Variants in PCDHGB1 observed in about 807,000 individuals in gnomAD.
The protein encoded by PCDHGB1 is protocadherin gamma subfamily B, 1, also known as protocadherin gamma-B1.
In PCDHGB1, 34 loss-of-function variants were observed where a neutral mutation model predicts 56.6. That is an observed-to-expected ratio of 0.60 (90% CI 0.46 to 0.80). PCDHGB1 has a LOEUF of 0.80. PCDHGB1 is among the 30% of genes least tolerant of loss of function. The pLI is 0.00. For synonymous variants in PCDHGB1, 561 were observed against 505.9 expected (o/e 1.11, Z -1.46); for missense variants, 1,278 against 1,204.6 (o/e 1.06, Z -0.90).
chr5:141,350,343 C>T lies in PCDHGB1; in HGVS notation c.83C>T (p.Ser28Phe), dbSNP rs1758450981. 6.4e-7 allele frequency: 1 copy of T among 1,551,070 alleles called. No individual in the cohort carries two copies. The highest frequency in any genetic ancestry group is 1.3e-5 in the South Asian group (1 of 79,250). Reference protein sequence around the residue: ...FLLSLFCGAISQQIRYTIPEE... With the variant: ...FLLSLFCGAIFQQIRYTIPEE... ...CTGTCTTTGTTCTGCGGGGCCATCT[C>T]CCAGCAGATCCGATACACGATTCCA... is the stretch of plus-strand genomic sequence containing the variant. Residue 28 changes from serine to phenylalanine, a missense_variant, in exon 1 of 4, where the codon TCC becomes TTC. Physicochemically the swap from Ser to Phe is radical, Grantham distance 155. Coordinates refer to ENST00000523390, the MANE Select transcript of PCDHGB1 (RefSeq NM_018922.3).
rs753002448 is a variant in PCDHGB1 at position 141,355,220 on chromosome 5, G to T, written c.2409+2551G>T. 3.1e-6 allele frequency: 5 copies of T among 1,607,878 alleles called. No homozygotes were observed. In the African/African-American group the frequency reaches 4.0e-5, roughly 13 times the overall value. ...GTTGTAATGGCGGCGCCTCCTGCTC[G>T]CCCAGACCACACCCGGCTGCTCCAG... On this transcript the variant is annotated intron_variant, in intron 1 of 3. Transcript: ENST00000523390.
At chr5:141,389,754 G>A (rs370987485) in intron 1 of PCDHGB1, 3 of 1,612,772 alleles carry the variant, frequency 1.9e-6, no homozygotes, top group South Asian at 2.2e-5. Context: ...CACGGGCGAA[G>A]TGCGCACAGC....
chr5:141,498,093 G>T (rs975304630), intron 2 of PCDHGB1, among the ~76,000 whole-genome samples: 4 of 152,220 alleles, frequency 2.6e-5, no homozygotes, highest in Admixed American at 1.3e-4. Context: ...AATTGTATCT[G>T]GTGGTGTGGG....
Position 141,350,574 on chromosome 5 carries a change from C to T in PCDHGB1, c.314C>T (p.Thr105Met), listed in dbSNP as rs369499342. The T allele has an allele frequency of 6.2e-7, 1 of 1,614,004 alleles. No homozygotes were observed. Among genetic ancestry groups the T allele is most frequent in the Non-Finnish European group, 8.5e-7 (1 of 1,179,884 alleles). The change falls in exon 1 of 4, where the codon ACG (threonine) becomes ATG (methionine). Residue 105 changes from threonine (T) to methionine (M), a missense_variant. Transcript: ENST00000523390. ...CTTGAGTGTGCACTAGAATTCGAAACGGTCGCTGAAAACCCAATGAATGTT... is the reference window on the plus strand; with the variant it reads ...CTTGAGTGTGCACTAGAATTCGAAATGGTCGCTGAAAACCCAATGAATGTT... The part of the protein sequence containing the change: ...RKLECALEFE[T>M]VAENPMNVFH...
rs1286991812 is a variant in PCDHGB1 at position 141,432,170 on chromosome 5, C to T, written c.2410-62637C>T. The T allele has an allele frequency of 1.2e-6, 2 of 1,614,072 alleles. No homozygotes were observed. The highest frequency in any genetic ancestry group is 1.7e-6 in the Non-Finnish European group (2 of 1,180,036). ...AGAGAACAATCCCAGAGGAGTTTCC[C>T]TCGTCTCTGTGACCGCCCACGACCC... On this transcript the variant is annotated intron_variant, in intron 1 of 3. Coordinates refer to ENST00000523390, the MANE Select transcript of PCDHGB1 (RefSeq NM_018922.3). This position sits in a 1 kb window ranked among gnomAD's most constrained non-coding sequence, Gnocchi z 6.0.
intron 1 of PCDHGB1, among the ~76,000 whole-genome samples, chr5:141,420,877 G>T (rs566962587): frequency 3.9e-5 from 6 of 152,338 alleles, no homozygotes; most frequent in African/African-American, 1.4e-4. Context: ...TGTAAGTATT[G>T]TGTATCATCG....
At chr5:141,364,392 G>A in intron 1 of PCDHGB1, 1 of 1,603,098 alleles carries the variant, frequency 6.2e-7, no homozygotes, top group East Asian at 2.2e-5. Flanking sequence ...ATGCTCCTGG[G>A]GACGCTGTGC....
chr5:141,403,204 G>A, intron 1 of PCDHGB1: 4 of 1,613,952 alleles, frequency 2.5e-6, no homozygotes, highest in Non-Finnish European at 3.4e-6. Flanking sequence ...GCGGCACCTT[G>A]GTCACCGCGG....
rs150897033 is a variant in PCDHGB1, at chr5:141,453,434, G to C, written c.2410-41373G>C. Among the ~76,000 whole-genome samples the C allele has an allele frequency of 3.9e-3, 592 of 151,994 alleles. 6 individuals are homozygous for C. The highest frequency in any genetic ancestry group is 0.011 in the Admixed American group (171 of 15,256). On this transcript the variant is annotated intron_variant, in intron 1 of 3. Coordinates refer to ENST00000523390, the MANE Select transcript of PCDHGB1 (RefSeq NM_018922.3). Reference sequence around the variant, plus strand: ...GGCATAAGCCACCACACCTAGCCTAGTATTCTTTTTTGAATATGTAAAACA... The same window carrying C: ...GGCATAAGCCACCACACCTAGCCTACTATTCTTTTTTGAATATGTAAAACA...
In PCDHGB1 at chr5:141,489,958, C is replaced by T; in HGVS notation, c.2410-4849C>T. 1 of 1,614,202 alleles carries T rather than the reference C, an allele frequency of 6.2e-7. No individual in the cohort carries two copies. The highest frequency in any genetic ancestry group is 8.5e-7 in the Non-Finnish European group (1 of 1,180,016). On this transcript the variant is annotated intron_variant, in intron 1 of 3. Transcript: ENST00000523390. This position sits in a 1 kb window ranked among gnomAD's most constrained non-coding sequence, Gnocchi z 4.5. ...CGTGCTGGACATCAATGATAATGCT[C>T]CAACCTTCCAATCCTCAGTTCTACG... is the stretch of plus-strand genomic sequence containing the variant.
At position 141,351,786 on chromosome 5, in the gene PCDHGB1, T is replaced by C; in HGVS notation, c.1526T>C (p.Val509Ala). Residue 509 changes from valine to alanine, a missense_variant, in exon 1 of 4, where the codon GTG becomes GCG. By Grantham distance (64) the Val-to-Ala change is moderately conservative. Transcript: ENST00000523390. ...SYVSVSPQSG[V>A]VFAQRAFDHE... is the part of the protein sequence containing the mutation. ...GTGTCCGTGAGCCCGCAGAGCGGGG[T>C]GGTGTTCGCGCAGCGCGCCTTCGAC... 2 of 1,613,248 alleles carry C rather than the reference T, an allele frequency of 1.2e-6. No individual in the cohort carries two copies. The highest frequency in any genetic ancestry group is 1.1e-5 in the South Asian group (1 of 91,078).
rs1488042504 is a variant in PCDHGB1, at chr5:141,511,552, T to C, written c.*379T>C. ...CCTCCTCCCCACCCCACTCCAACAG[T>C]TCCTCTTTCCCGAGTAAGGTGGTTG... On this transcript the variant is annotated 3_prime_UTR_variant, in exon 4 of 4. Coordinates refer to ENST00000523390, the MANE Select transcript of PCDHGB1 (RefSeq NM_018922.3). 1.3e-5 allele frequency: 4 copies of C among 304,316 alleles called. No individual in the cohort carries two copies. The highest frequency in any genetic ancestry group is 2.6e-5 in the Non-Finnish European group (4 of 156,548). The allele number at this position is 304,316 out of a possible 1,614,324, so 18.9% of individuals were successfully genotyped here.
intron 1 of PCDHGB1, chr5:141,428,440 G>A (rs890993546): frequency 1.0e-5 from 4 of 393,892 alleles, no homozygotes; most frequent in African/African-American, 8.2e-5. Flanking sequence ...GACTAGACCA[G>A]GGGTTTTTCC....
In PCDHGB1 at chr5:141,351,700, C is replaced by G; in HGVS notation, c.1440C>G (p.Asn480Lys). 1 of 1,613,956 alleles carries G rather than the reference C, an allele frequency of 6.2e-7. No individual in the cohort carries two copies. The highest frequency in any genetic ancestry group is 1.7e-5 in the Admixed American group (1 of 60,036). Residue 480 changes from asparagine to lysine, a missense_variant, in exon 1 of 4, where the codon AAC becomes AAG. Physicochemically the swap from Asn to Lys is moderately conservative, Grantham distance 94. Coordinates refer to ENST00000523390, the MANE Select transcript of PCDHGB1 (RefSeq NM_018922.3). ...CCTCCGACCCGGATTTGGGACCCAA[C>G]GGCAGAGTCTCCTACTCTATTCTGG... Reference protein sequence around the residue: ...VSASDPDLGPNGRVSYSILAS... With the variant: ...VSASDPDLGPKGRVSYSILAS...
intron 1 of PCDHGB1, chr5:141,366,006 C>T (rs760966863): frequency 1.5e-5 from 25 of 1,614,122 alleles, no homozygotes; most frequent in African/African-American, 6.7e-5. Flanking sequence ...AACGACAATA[C>T]GCCTGAGATC....
At chr5:141,421,880 G>C in intron 1 of PCDHGB1, 1 of 1,613,718 alleles carries the variant, frequency 6.2e-7, no homozygotes, top group Admixed American at 1.7e-5. Flanking sequence ...GCTTTAGATG[G>C]AGGCGATCCC....
chr5:141,350,492 A>C lies in PCDHGB1; in HGVS notation c.232A>C (p.Ser78Arg), dbSNP rs1758490387. The C allele has an allele frequency of 2.5e-6, 4 of 1,613,968 alleles. No homozygotes were observed. The East Asian group carries it at 8.9e-5, about 36-fold the overall frequency. Residue 78 changes from serine (S) to arginine (R), a missense_variant, in exon 1 of 4, where the codon AGC becomes CGC. Transcript: ENST00000523390. The stretch of plus-strand genomic sequence containing the variant: ...GGATTATTTCAACGTTAGTTTGGAG[A>C]GCGGGGATTTGTTAGTGAACGGTAG... ...AEDYFNVSLE[S>R]GDLLVNGRID...
intron 1 of PCDHGB1, chr5:141,419,935 G>T: frequency 6.2e-7 from 1 of 1,614,070 alleles, no homozygotes; most frequent in Non-Finnish European, 8.5e-7. Flanking sequence ...AGTTTTACCT[G>T]GTGGTGGCCT....
At chr5:141,356,462 C>T in intron 1 of PCDHGB1, 1 of 1,613,660 alleles carries the variant, frequency 6.2e-7, no homozygotes, top group Non-Finnish European at 8.5e-7. Context: ...TATAACATCA[C>T]TGTAACTGCC....
Sources: gnomAD v4.1 joint callset for allele counts (sites outside exome capture counted in the v4.1 genomes callset) on GRCh38, gnomAD v4.1.1 for gene constraint, Gnocchi (gnomAD v3.1) non-coding constraint, MANE v1.5 for transcripts, NCBI Gene and HGNC (gene_info 2026-07-23, HGNC 2026-07-21) for gene names.